The following CHD5 variants were observed in gnomAD, a reference collection of about 807,000 sequenced individuals.
The protein encoded by CHD5 is chromodomain helicase DNA binding protein 5.
CHD5 carries 69 observed loss-of-function variants against 230.3 expected under a neutral mutation model. The observed-to-expected ratio is 0.30, with a 90% CI of 0.25 to 0.37. The LOEUF (loss-of-function observed/expected upper bound fraction) is 0.37, where lower values mean the gene tolerates loss of function less well. Among genes scored for constraint, CHD5 ranks in the 10% least tolerant of loss-of-function variants. The pLI is 1.00. For missense variants in CHD5, 1,827 were observed against 2,622.8 expected, an observed-to-expected ratio of 0.70 and a Z score of 6.63; for synonymous variants, 1,064 against 1,065.9, an observed-to-expected ratio of 1.00 and a Z score of 0.03.
chr1:6,116,878 A>G lies in CHD5; in HGVS notation c.4913-3880T>C, dbSNP rs566155263. Among the ~76,000 whole-genome samples, 7 of 152,388 alleles carry G rather than the reference A, an allele frequency of 4.6e-5. 1 individual carries two copies. In the South Asian group the frequency reaches 1.4e-3, roughly 32 times the overall value. On this transcript the variant is annotated intron_variant, in intron 33 of 41. Transcript: ENST00000262450. ...TGGTAAGAATGTGAGAAGATCTAAA[A>G]AAGGATTAAAAATTTAGAAATAAGC... is the stretch of plus-strand genomic sequence containing the variant.
At position 6,128,616 on chromosome 1, in the gene CHD5, G is replaced by T. The variant is rs1411566409; in HGVS notation, c.3620-7C>A. ...TGGCCCTGAGACATCATGCCTGTCA[G>T]ACAGAGAAGGAAAGCACTGGTGCAG... On this transcript the variant is annotated splice_polypyrimidine_tract_variant and splice_region_variant and intron_variant, in intron 23 of 41. Transcript: ENST00000262450. This position sits in a 1 kb window ranked among gnomAD's most constrained non-coding sequence, Gnocchi z 7.8. 1 of 1,604,998 alleles carries T rather than the reference G, an allele frequency of 6.2e-7. No individual in the cohort carries two copies. The highest frequency in any genetic ancestry group is 1.1e-5 in the South Asian group (1 of 90,842).
chr1:6,119,802 C>T (rs1373052740), intron 33 of CHD5, among the ~76,000 whole-genome samples: 5 of 148,274 alleles, frequency 3.4e-5, no homozygotes, highest in Admixed American at 1.3e-4. Flanking sequence ...TACGTATGTA[C>T]GTACATATAT....
At chr1:6,158,159 T>A (rs1177181117) in intron 3 of CHD5, among the ~76,000 whole-genome samples, 1 of 152,138 alleles carries the variant, frequency 6.6e-6, no homozygotes, top group Non-Finnish European at 1.5e-5. Context: ...GGCCTCTCCA[T>A]CTCCCCAAGG....
At chr1:6,163,954 T>C (rs540876368) in intron 2 of CHD5, among the ~76,000 whole-genome samples, 152 of 152,316 alleles carry the variant, frequency 1.0e-3, no homozygotes, top group African/African-American at 3.4e-3. Flanking sequence ...AGTCCCCACA[T>C]GAACTCCACC....
Position 6,154,539 on chromosome 1 carries a change from C to G in CHD5, c.745+121G>C, listed in dbSNP as rs1175333592. 1.3e-5 allele frequency: 11 copies of G among 841,508 alleles called. No individual in the cohort carries two copies. The East Asian group carries it at 2.9e-4, about 22-fold the overall frequency. The allele number at this position is 841,508 out of a possible 1,614,324, so 52.1% of individuals were successfully genotyped here. On this transcript the variant is annotated intron_variant, in intron 5 of 41. Transcript: ENST00000262450. This position sits in a 1 kb window ranked among gnomAD's most constrained non-coding sequence, Gnocchi z 7.0. The stretch of plus-strand genomic sequence containing the variant: ...ATCCAAGGTCACACAGGCACAGAGC[C>G]CTCCATTAGGAGCACCCCAGCTGCC...
chr1:6,159,787 G>T (rs1176274819), intron 2 of CHD5, among the ~76,000 whole-genome samples: 2 of 152,252 alleles, frequency 1.3e-5, no homozygotes, highest in African/African-American at 4.8e-5. Context: ...TGAGGCTCTC[G>T]TGAGAGCAGG....
Position 6,130,452 on chromosome 1 carries a change from G to A in CHD5, c.3263-124C>T. The A allele has an allele frequency of 1.1e-6, 1 of 919,236 alleles. No homozygotes were observed. The highest frequency in any genetic ancestry group is 1.6e-6 in the Non-Finnish European group (1 of 612,332). The allele number at this position is 919,236 out of a possible 1,614,324, so 56.9% of individuals were successfully genotyped here. On this transcript the variant is annotated intron_variant, in intron 21 of 41. Coordinates refer to ENST00000262450, the MANE Select transcript of CHD5 (RefSeq NM_015557.3). This position sits in a 1 kb window ranked among gnomAD's most constrained non-coding sequence, Gnocchi z 4.9. ...CAGATCCCTGGCAGAGAAGGACAAAGCCGGAGACCCCATCAGAGACGGGTG... is the reference window on the plus strand; with the variant it reads ...CAGATCCCTGGCAGAGAAGGACAAAACCGGAGACCCCATCAGAGACGGGTG...
Position 6,146,484 on chromosome 1 carries a change from C to A in CHD5, c.1591-61G>T. 1 of 1,533,008 alleles carries A rather than the reference C, an allele frequency of 6.5e-7. No homozygotes were observed. Among genetic ancestry groups the A allele is most frequent in the East Asian group, 2.3e-5 (1 of 44,300 alleles). The allele number at this position is 1,533,008 out of a possible 1,614,324, so 95.0% of individuals were successfully genotyped here. On this transcript the variant is annotated intron_variant, in intron 10 of 41. Transcript: ENST00000262450. The surrounding 1 kb of genome is among the most constrained non-coding windows in gnomAD (Gnocchi z 5.1). ...ATGGGCCATGGTCCCCTGCATCTCC[C>A]TACCCAGCTCCTCTAGCCCCAGCCC...
intron 36 of CHD5, 52 bp downstream of exon 36, chr1:6,111,723 G>A: frequency 1.4e-6 from 2 of 1,441,040 alleles, no homozygotes; most frequent in Non-Finnish European, 2.0e-6. Flanking sequence ...TCTCCCCGAG[G>A]TCCACGGAGG....
At chr1:6,135,176 C>CAGCCCAGGGGAAAGGGCG in intron 18 of CHD5, 54 bp downstream of exon 18, 1 of 1,602,326 alleles carries the variant, frequency 6.2e-7, no homozygotes, top group Non-Finnish European at 8.5e-7. Flanking sequence ...CCCAGGAGAC[C>CAGCCCAGGGGAAAGGGCG]AGCCCAGGGG....
chr1:6,172,137 T>C (rs1447329423), intron 1 of CHD5, among the ~76,000 whole-genome samples: 3 of 152,218 alleles, frequency 2.0e-5, no homozygotes, highest in Admixed American at 6.5e-5. Context: ...TGGCCTAGGC[T>C]GAGCCACTGC....
chr1:6,154,737 G>A lies in CHD5; in HGVS notation c.668C>T (p.Ser223Phe). 1.2e-6 allele frequency: 2 copies of A among 1,611,088 alleles called. No homozygotes were observed. The highest frequency in any genetic ancestry group is 2.2e-5 in the South Asian group (2 of 90,880). ...VAAAVETVTI[S>F]PPLAVSPPQV... is the part of the protein sequence containing the mutation. ...CGGGGGGCTGACGGCTAGCGGAGGG[G>A]AGATGGTGACCGTCTCTACAGCCGC... Residue 223 changes from serine to phenylalanine, a missense_variant, in exon 5 of 42, where the codon TCC becomes TTC. Transcript: ENST00000262450. The surrounding 1 kb of genome is among the most constrained non-coding windows in gnomAD (Gnocchi z 7.0).
At chr1:6,138,704 T>G (rs1295629770) in intron 15 of CHD5, among the ~76,000 whole-genome samples, 1 of 152,246 alleles carries the variant, frequency 6.6e-6, no homozygotes, top group East Asian at 1.9e-4. Context: ...GCTAAGTCTG[T>G]TTCTCAAAAA....
At chr1:6,177,547 GCTAC>G (rs1667445133) in intron 1 of CHD5, among the ~76,000 whole-genome samples, 1 of 152,236 alleles carries the variant, frequency 6.6e-6, no homozygotes, top group Admixed American at 6.5e-5. Context: ...TGTAGTCCCA[GCTAC>G]TAGGGAGGTT....
At chr1:6,177,074 G>A (rs937252434) in intron 1 of CHD5, among the ~76,000 whole-genome samples, 1 of 152,236 alleles carries the variant, frequency 6.6e-6, no homozygotes, top group African/African-American at 2.4e-5. Flanking sequence ...CAACTCCCAG[G>A]GGGAGGTGGG....
At chr1:6,166,755 G>GA (rs1667262224) in intron 2 of CHD5, among the ~76,000 whole-genome samples, 1 of 152,116 alleles carries the variant, frequency 6.6e-6, no homozygotes, top group Non-Finnish European at 1.5e-5. Context: ...GGCGAAGGCA[G>GA]GGACCCTCGC....
chr1:6,134,140 G>A lies in CHD5; in HGVS notation c.3132C>T (p.Leu1044=), dbSNP rs771237548. ...KKLRDEGHRV[L]IFSQMTKMLD... is the part of the protein sequence containing the mutation. The stretch of plus-strand genomic sequence containing the variant: ...AGGGGCAGCGCACCTGGGAGAAGAT[G>A]AGCACACGGTGCCCCTCATCCCGCA... The change falls in exon 20 of 42, where the codon CTC becomes CTT. Residue 1044 remains leucine, a synonymous_variant. Coordinates refer to ENST00000262450, the MANE Select transcript of CHD5 (RefSeq NM_015557.3). This position sits in a 1 kb window ranked among gnomAD's most constrained non-coding sequence, Gnocchi z 6.3. 1 of 1,613,096 alleles carries A rather than the reference G, an allele frequency of 6.2e-7. No individual in the cohort carries two copies. The highest frequency in any genetic ancestry group is 1.1e-5 in the South Asian group (1 of 91,074).
At chr1:6,173,101 G>A (rs563821223) in intron 1 of CHD5, among the ~76,000 whole-genome samples, 12 of 141,184 alleles carry the variant, frequency 8.5e-5, no homozygotes, top group East Asian at 4.0e-4. Context: ...GGGGAGAGGC[G>A]TTATTTCTTT....
Position 6,142,708 on chromosome 1 carries a change from C to T in CHD5, c.2044-103G>A, listed in dbSNP as rs532644501. Reference sequence around the variant, plus strand: ...AATTCCTTCTGCCTGGAACACTCTTCCCACTCCTGTCTGTCTTCCTAACTC... The same window carrying T: ...AATTCCTTCTGCCTGGAACACTCTTTCCACTCCTGTCTGTCTTCCTAACTC... On this transcript the variant is annotated intron_variant, in intron 13 of 41. Coordinates refer to ENST00000262450, the MANE Select transcript of CHD5 (RefSeq NM_015557.3). This position sits in a 1 kb window ranked among gnomAD's most constrained non-coding sequence, Gnocchi z 5.2. The T allele has an allele frequency of 3.9e-4, 484 of 1,236,378 alleles. 1 individual carries two copies. In the East Asian group the frequency reaches 4.9e-3, roughly 12 times the overall value. 76.6% of individuals were successfully genotyped at this position (1,236,378 alleles called of 1,614,324 possible). A position where few individuals can be genotyped will look rare whatever the true frequency, so the allele number is the denominator to read the frequency against.
Sources: allele counts gnomAD v4.1 joint callset (sites outside exome capture counted in the v4.1 genomes callset), GRCh38; gene constraint gnomAD v4.1.1; non-coding constraint Gnocchi (gnomAD v3.1); transcripts MANE v1.5; gene names NCBI Gene and HGNC (gene_info 2026-07-23, HGNC 2026-07-21).